ICA1: variants seen among roughly 807,000 people sequenced by gnomAD.
The protein encoded by ICA1 is islet cell autoantigen 1.
ICA1 carries 40 observed loss-of-function variants against 71.0 expected under a neutral mutation model. The ratio of observed to expected loss-of-function variants is 0.56; its 90% confidence interval spans 0.44 to 0.73. The LOEUF is 0.73. Ranked by LOEUF, ICA1 falls within the 30% of genes least tolerant of loss-of-function variation. The pLI, the probability that ICA1 is intolerant of heterozygous loss-of-function variation, is 0.00. For synonymous variants in ICA1, 207 were observed against 209.5 expected, an observed-to-expected ratio of 0.99 and a Z score of 0.10; for missense variants, 578 against 576.5, an observed-to-expected ratio of 1.00 and a Z score of -0.03.
At chr7:8,217,975 A>G (rs968170893) in intron 6 of ICA1, among the ~76,000 whole-genome samples, 3 of 152,220 alleles carry the variant, frequency 2.0e-5, no homozygotes, top group Non-Finnish European at 4.4e-5. Flanking sequence ...CTAACCTCCC[A>G]GATTCATTTG....
chr7:8,169,675 C>G (rs571497773), intron 6 of ICA1, among the ~76,000 whole-genome samples: 1 of 152,138 alleles, frequency 6.6e-6, no homozygotes, highest in South Asian at 2.1e-4. Flanking sequence ...AATCTTTCAC[C>G]TATTTTAAAA....
At chr7:8,168,447 T>C (rs1806990902) in intron 6 of ICA1, among the ~76,000 whole-genome samples, 1 of 152,006 alleles carries the variant, frequency 6.6e-6, no homozygotes, top group Non-Finnish European at 1.5e-5. Flanking sequence ...CAGACTCAGG[T>C]GTATTTGGTT....
At chr7:8,145,489 T>C (rs1308875796) in intron 8 of ICA1, among the ~76,000 whole-genome samples, 1 of 152,152 alleles carries the variant, frequency 6.6e-6, no homozygotes, top group African/African-American at 2.4e-5. Context: ...TCTGCAAAGC[T>C]TCACTAAGCA....
intron 7 of ICA1, 98 bp from the exon 8 acceptor site, chr7:8,157,312 T>TA: frequency 1.8e-6 from 2 of 1,134,158 alleles, no homozygotes; most frequent in Non-Finnish European, 2.5e-6. Flanking sequence ...GAAGATTCTT[T>TA]AAAGCATGAT....
intron 2 of ICA1, 48 bp from the exon 3 acceptor site, chr7:8,232,803 A>G (rs760029818): frequency 7.0e-7 from 1 of 1,433,444 alleles, no homozygotes; most frequent in Non-Finnish European, 9.3e-7. Context: ...CATAAAGATT[A>G]AGATATTTTA....
At chr7:8,158,864 G>C (rs1181698781) in intron 6 of ICA1, among the ~76,000 whole-genome samples, 7 of 152,164 alleles carry the variant, frequency 4.6e-5, no homozygotes. Context: ...TAGCACACTT[G>C]TCATCCTAAT....
chr7:8,243,352 G>C (rs1422269921), intron 1 of ICA1, among the ~76,000 whole-genome samples: 2 of 152,160 alleles, frequency 1.3e-5, no homozygotes, highest in African/African-American at 4.8e-5. Flanking sequence ...AAAGGCCTTT[G>C]ACAAAATTCA....
intron 2 of ICA1, among the ~76,000 whole-genome samples, chr7:8,233,011 ATG>A (rs1800738566): frequency 1.3e-5 from 2 of 149,890 alleles, no homozygotes; most frequent in African/African-American, 5.0e-5. Context: ...CTTGAAAAGA[ATG>A]TAGATATAAC....
intron 12 of ICA1, among the ~76,000 whole-genome samples, chr7:8,128,672 G>T (rs1790266660): frequency 6.6e-6 from 1 of 152,192 alleles, no homozygotes; most frequent in Non-Finnish European, 1.5e-5. Flanking sequence ...CCCAAGAGAG[G>T]CATCCTTACT....
chr7:8,202,551 G>T (rs572375980), intron 6 of ICA1, among the ~76,000 whole-genome samples: 5 of 152,146 alleles, frequency 3.3e-5, no homozygotes, highest in Non-Finnish European at 5.9e-5. Context: ...AAATGTCAAA[G>T]TACTGTATTT....
chr7:8,260,727 TAAAG>T (rs1812008877), intron 1 of ICA1, among the ~76,000 whole-genome samples: 1 of 152,242 alleles, frequency 6.6e-6, no homozygotes, highest in Admixed American at 6.5e-5. Context: ...GTTTCAAAAA[TAAAG>T]ACTGAAATCT....
At chr7:8,207,455 A>G (rs749221978) in intron 6 of ICA1, among the ~76,000 whole-genome samples, 10 of 152,186 alleles carry the variant, frequency 6.6e-5, no homozygotes, top group Non-Finnish European at 1.5e-4. Context: ...TAGGAGTGGG[A>G]TAGCTGCTGA....
chr7:8,229,458 A>G (rs1220560483), intron 3 of ICA1, among the ~76,000 whole-genome samples: 2 of 152,198 alleles, frequency 1.3e-5, no homozygotes, highest in African/African-American at 4.8e-5. Flanking sequence ...CCCTTTGCCC[A>G]CTAACTTAGG....
intron 6 of ICA1, among the ~76,000 whole-genome samples, chr7:8,183,404 T>C (rs1782856888): frequency 1.3e-5 from 2 of 152,182 alleles, no homozygotes; most frequent in Non-Finnish European, 1.5e-5. Context: ...TATAATCCAA[T>C]AAGAGATACA....
chr7:8,249,584 T>C (rs936149694), intron 1 of ICA1, among the ~76,000 whole-genome samples: 1 of 152,232 alleles, frequency 6.6e-6, no homozygotes, highest in Non-Finnish European at 1.5e-5. Context: ...ATCACAAATA[T>C]TGGAAGCTGG....
intron 10 of ICA1, among the ~76,000 whole-genome samples, chr7:8,139,928 T>C (rs916490755): frequency 4.6e-5 from 7 of 152,148 alleles, no homozygotes; most frequent in African/African-American, 1.7e-4. Context: ...AGTCACAGAA[T>C]AAAAGAAATA....
intron 6 of ICA1, among the ~76,000 whole-genome samples, chr7:8,195,788 G>A (rs193286088): frequency 1.7e-3 from 254 of 152,216 alleles, no homozygotes; most frequent in Non-Finnish European, 2.8e-3. Context: ...GACCAGCCTA[G>A]CCAACATAGT....
intron 6 of ICA1, among the ~76,000 whole-genome samples, chr7:8,171,807 T>C (rs1021829610): frequency 3.9e-5 from 6 of 152,022 alleles, no homozygotes; most frequent in Non-Finnish European, 7.4e-5. Flanking sequence ...TGTTGTGTTC[T>C]GATTTCAATT....
In ICA1 at chr7:8,158,666, G is replaced by A. The variant is rs751066360; in HGVS notation, c.580-14C>T. The stretch of plus-strand genomic sequence containing the variant: ...TTGTGTTTGTACCTATGAAAATAAA[G>A]AGGAATTTCTGAATCACCCTAACCC... On this transcript the variant is annotated splice_polypyrimidine_tract_variant and intron_variant, in intron 6 of 13. Transcript: ENST00000402384. 6 of 1,613,394 alleles carry A rather than the reference G, an allele frequency of 3.7e-6. No homozygotes were observed. Among genetic ancestry groups the A allele is most frequent in the Non-Finnish European group, 4.2e-6 (5 of 1,179,794 alleles).
Sources: allele counts gnomAD v4.1 joint callset (sites outside exome capture counted in the v4.1 genomes callset), GRCh38; gene constraint gnomAD v4.1.1; transcripts MANE v1.5; gene names NCBI Gene and HGNC (gene_info 2026-07-23, HGNC 2026-07-21).